Variants in GPHN observed in about 807,000 individuals in gnomAD.
GPHN encodes the protein gephyrin.
In GPHN, 17 loss-of-function variants were observed where a neutral mutation model predicts 95.5. The observed-to-expected ratio is 0.18, with a 90% CI of 0.12 to 0.27. The LOEUF is 0.27. GPHN is among the 10% of genes least tolerant of loss of function. The pLI is 1.00. For synonymous variants in GPHN, 320 were observed against 322.5 expected (o/e 0.99, Z 0.08); for missense variants, 660 against 978.1 (o/e 0.67, Z 4.34).
chr14:66,774,011 TTTTTTTTTTTG>T, intron 2 of GPHN, among the ~76,000 whole-genome samples: 1 of 140,570 alleles, frequency 7.1e-6, no homozygotes, highest in African/African-American at 2.7e-5. Flanking sequence ...TTTTTTTTTT[TTTTTTTTTTTG>T]AGATGGAGTC....
intron 8 of GPHN, among the ~76,000 whole-genome samples, chr14:66,931,246 T>C (rs1022098940): frequency 1.1e-4 from 16 of 152,188 alleles, no homozygotes; most frequent in African/African-American, 3.4e-4. Context: ...ATATGTTATC[T>C]GTTATTTTTC....
chr14:66,836,648 G>A (rs1330683113), intron 4 of GPHN, among the ~76,000 whole-genome samples: 1 of 142,692 alleles, frequency 7.0e-6, no homozygotes, highest in Non-Finnish European at 1.5e-5. Flanking sequence ...CCATCAGAGT[G>A]AACAGGCAAC....
chr14:67,418,353 T>C, the GPHN span, among the ~76,000 whole-genome samples: 1 of 152,238 alleles, frequency 6.6e-6, no homozygotes, highest in East Asian at 1.9e-4. Context: ...CTTCCTGTGA[T>C]GAAATCCTTT....
Position 67,118,455 on chromosome 14 carries a change from G to A in GPHN, c.1627-3801G>A, listed in dbSNP as rs944642945. Among the ~76,000 whole-genome samples, 17 of 152,330 alleles carry A rather than the reference G, an allele frequency of 1.1e-4. No individual in the cohort carries two copies. In the South Asian group the frequency reaches 3.5e-3, roughly 32 times the overall value. On this transcript the variant is annotated intron_variant, in intron 16 of 22. Transcript: ENST00000478722. Reference sequence around the variant, plus strand: ...AGATTTATCCCTCGGGCCAGGCGCGGTGGCTCACGCCTGTAATTCAAGCAC... The same window carrying A: ...AGATTTATCCCTCGGGCCAGGCGCGATGGCTCACGCCTGTAATTCAAGCAC...
chr14:67,137,031 C>T (rs998164976), intron 17 of GPHN, among the ~76,000 whole-genome samples: 3 of 152,220 alleles, frequency 2.0e-5, no homozygotes, highest in African/African-American at 7.2e-5. Context: ...GTGGCACACA[C>T]TTGTAATCCC....
chr14:67,392,838 C>T, the GPHN span: 3 of 1,610,560 alleles, frequency 1.9e-6, no homozygotes, highest in Non-Finnish European at 2.5e-6. Context: ...AGCCAGTCCA[C>T]CAGGGAGGAG....
chr14:66,770,220 G>T (rs1183233342), intron 2 of GPHN, among the ~76,000 whole-genome samples: 1 of 152,062 alleles, frequency 6.6e-6, no homozygotes, highest in Non-Finnish European at 1.5e-5. Context: ...TATAGATGCT[G>T]GCTATTAGAC....
intron 3 of GPHN, among the ~76,000 whole-genome samples, chr14:66,822,814 C>G (rs1192726976): frequency 6.6e-6 from 1 of 151,974 alleles, no homozygotes; most frequent in Non-Finnish European, 1.5e-5. Flanking sequence ...CACTTTTTAT[C>G]AAGATTTGAT....
At chr14:67,266,058 C>G in the GPHN span, among the ~76,000 whole-genome samples, 1 of 152,132 alleles carries the variant, frequency 6.6e-6, no homozygotes, top group Non-Finnish European at 1.5e-5. Flanking sequence ...ACTCCTGTCT[C>G]TGCTTCCCAA....
chr14:67,081,957 G>T (rs1595062368), intron 11 of GPHN, among the ~76,000 whole-genome samples: 1 of 152,092 alleles, frequency 6.6e-6, no homozygotes, highest in Admixed American at 6.6e-5. Context: ...ATTGGTCTAT[G>T]TGCCTATTTT....
the GPHN span, among the ~76,000 whole-genome samples, chr14:67,580,482 A>G: frequency 6.6e-6 from 1 of 152,254 alleles, no homozygotes; most frequent in South Asian, 2.1e-4. Flanking sequence ...CTTGTCTTTA[A>G]CAGGACAAAG....
chr14:67,199,112 G>A, the GPHN span: 2 of 1,261,838 alleles, frequency 1.6e-6, no homozygotes, highest in Non-Finnish European at 2.3e-6. Context: ...CTGTGTACGT[G>A]GGGGGCCTGA....
At chr14:66,610,446 T>C (rs2062732211) in intron 1 of GPHN, among the ~76,000 whole-genome samples, 1 of 152,052 alleles carries the variant, frequency 6.6e-6, no homozygotes, top group Admixed American at 6.6e-5. Context: ...TCTTGGTGTT[T>C]CCTCTCTGAA....
chr14:67,434,636 A>C, the GPHN span, among the ~76,000 whole-genome samples: 2 of 152,232 alleles, frequency 1.3e-5, no homozygotes, highest in African/African-American at 4.8e-5. Flanking sequence ...GGAGGACTAA[A>C]GAATGTTTCA....
At chr14:66,639,253 A>C (rs1400612121) in intron 1 of GPHN, among the ~76,000 whole-genome samples, 1 of 152,062 alleles carries the variant, frequency 6.6e-6, no homozygotes, top group African/African-American at 2.4e-5. Context: ...AACAAAGAAG[A>C]TGGCCATTTT....
At chr14:67,055,531 A>T (rs2075519747) in intron 10 of GPHN, among the ~76,000 whole-genome samples, 1 of 152,248 alleles carries the variant, frequency 6.6e-6, no homozygotes, top group African/African-American at 2.4e-5. Flanking sequence ...ATACCATTTG[A>T]TCCAGCAATC....
the GPHN span, chr14:67,332,809 G>C: frequency 6.2e-7 from 1 of 1,613,304 alleles, no homozygotes; most frequent in South Asian, 1.1e-5. Flanking sequence ...TCATTGAGAA[G>C]ACAAGAGAGA....
intron 1 of GPHN, among the ~76,000 whole-genome samples, chr14:66,647,517 T>C (rs969033920): frequency 1.8e-4 from 27 of 152,082 alleles, no homozygotes; most frequent in Non-Finnish European, 3.4e-4. Context: ...AGAACCCTAG[T>C]TGATCCCTGA....
rs986215944 is a variant in GPHN at position 66,508,354 on chromosome 14, C to T, written c.-174C>T. ...GACCCGCGCACTCCCGGCGCGGCCT[C>T]TCCCCCACGCAGGCCACCGTGCACT... On this transcript the variant is annotated 5_prime_UTR_variant, in exon 1 of 23. Transcript: ENST00000478722. 6.0e-6 allele frequency: 4 copies of T among 668,660 alleles called. No individual in the cohort carries two copies. The highest frequency in any genetic ancestry group is 1.1e-5 in the Non-Finnish European group (4 of 374,524). The allele number at this position is 668,660 out of a possible 1,614,324, so 41.4% of individuals were successfully genotyped here. A position where few individuals can be genotyped will look rare whatever the true frequency, so the allele number is the denominator to read the frequency against.
Sources: gnomAD v4.1 joint callset for allele counts (sites outside exome capture counted in the v4.1 genomes callset) on GRCh38, gnomAD v4.1.1 for gene constraint, MANE v1.5 for transcripts, NCBI Gene and HGNC (gene_info 2026-07-23, HGNC 2026-07-21) for gene names.